Variants in CREBRF observed in about 807,000 individuals in gnomAD.
CREBRF encodes UPF0474 protein C5orf41.
Under a neutral mutation model 66.1 loss-of-function variants are expected in CREBRF, and 5 were observed. The observed-to-expected ratio is 0.08, with a 90% CI of 0.04 to 0.16. CREBRF has a LOEUF of 0.16. Among genes scored for constraint, CREBRF ranks in the 10% least tolerant of loss-of-function variants. The pLI is 1.00. For missense variants in CREBRF, 531 were observed against 744.9 expected (o/e 0.71, Z 3.34); for synonymous variants, 229 against 264.4 (o/e 0.87, Z 1.30).
chr5:173,104,573 A>G (rs796327754), intron 4 of CREBRF, among the ~76,000 whole-genome samples: 8 of 152,184 alleles, frequency 5.3e-5, no homozygotes, highest in African/African-American at 1.9e-4. Flanking sequence ...CTAGCTACTC[A>G]GGAGGCTGAG....
chr5:173,115,429 C>G (rs977698192), intron 7 of CREBRF, among the ~76,000 whole-genome samples: 3 of 151,916 alleles, frequency 2.0e-5, no homozygotes, highest in Admixed American at 6.6e-5. Flanking sequence ...TTAAAAGTAA[C>G]TTTATTTACT....
In CREBRF at chr5:173,091,114, C is replaced by G. The variant is rs1267033547; in HGVS notation, c.935C>G (p.Ala312Gly). 1 of 1,614,214 alleles carries G rather than the reference C, an allele frequency of 6.2e-7. No homozygotes were observed. The highest frequency in any genetic ancestry group is 8.5e-7 in the Non-Finnish European group (1 of 1,180,046). Residue 312 changes from alanine to glycine, a missense_variant, in exon 4 of 9, where the codon GCA (alanine) becomes GGA (glycine). Physicochemically the swap from Ala to Gly is moderately conservative, Grantham distance 60 (BLOSUM62 0). Around this residue, in one of 5 missense-constraint regions of CREBRF, gnomAD observed 309 missense variants for 341.4 expected, o/e 0.90. Coordinates refer to ENST00000296953, the MANE Select transcript of CREBRF (RefSeq NM_153607.3). ...PLPQEGPGSL[A>G]AGESSSLSAS... is the part of the protein sequence containing the mutation. ...CCCCAGGAAGGTCCTGGGTCACTTG[C>G]AGCAGGAGAGAGCAGCAGTCTTTCT...
chr5:173,073,320 G>T (rs1294627365), intron 1 of CREBRF, among the ~76,000 whole-genome samples: 1 of 152,168 alleles, frequency 6.6e-6, no homozygotes, highest in Non-Finnish European at 1.5e-5. Context: ...TGGTTATCCT[G>T]ATACCAAGAC....
chr5:173,104,891 G>A (rs2113763684), intron 4 of CREBRF, among the ~76,000 whole-genome samples: 1 of 152,248 alleles, frequency 6.6e-6, no homozygotes, highest in African/African-American at 2.4e-5. Flanking sequence ...TAATTTGGGT[G>A]GGACAGAAGA....
rs1220011048 is a variant in CREBRF, at chr5:173,110,725, A to C, written c.1607+14A>C. The C allele has an allele frequency of 2.5e-6, 4 of 1,592,720 alleles. No homozygotes were observed. The highest frequency in any genetic ancestry group is 3.4e-6 in the Non-Finnish European group (4 of 1,171,458). On this transcript the variant is annotated intron_variant, in intron 6 of 8. Transcript: ENST00000296953. ...GCTGGCTTCCAGGTAAATGCTAATA[A>C]TGTTCACTCATGTGAAGAAAGTTTA...
intron 2 of CREBRF, among the ~76,000 whole-genome samples, chr5:173,081,936 C>T (rs149713066): frequency 6.6e-6 from 1 of 151,474 alleles, no homozygotes; most frequent in East Asian, 1.9e-4. Context: ...CTGCCTACCG[C>T]CACCCCAACC....
chr5:173,089,203 C>A (rs1485061872), intron 3 of CREBRF, among the ~76,000 whole-genome samples: 92 of 144,240 alleles, frequency 6.4e-4, no homozygotes, highest in African/African-American at 2.3e-3. Flanking sequence ...AAAAAAAAAA[C>A]CCATACACAG....
chr5:173,131,818 T>C lies in CREBRF; in HGVS notation c.1805-1812T>C, dbSNP rs185430363. Among the ~76,000 whole-genome samples the C allele has an allele frequency of 1.3e-3, 193 of 152,230 alleles. 1 individual carries two copies. Among genetic ancestry groups the C allele is most frequent in the African/African-American group, 4.2e-3 (174 of 41,532 alleles). ...TGCAATCTCAGCTCACTGCAACCTC[T>C]GCCTCCTAGGTTCAAGTGGTTCTCC... On this transcript the variant is annotated intron_variant, in intron 8 of 8. Transcript: ENST00000296953.
At chr5:173,101,761 G>A (rs561349647) in intron 4 of CREBRF, among the ~76,000 whole-genome samples, 1 of 152,058 alleles carries the variant, frequency 6.6e-6, no homozygotes, top group Admixed American at 6.5e-5. Flanking sequence ...TGTTGGTCAG[G>A]CTGGTCTTGA....
At position 173,085,769 on chromosome 5, in the gene CREBRF, C is replaced by G. The variant is rs549815130; in HGVS notation, c.10-732C>G. 3.4e-5 allele frequency: 26 copies of G among 774,846 alleles called. No homozygotes were observed. In the African/African-American group the frequency reaches 3.9e-4, roughly 12 times the overall value. 48.0% of individuals were successfully genotyped at this position (774,846 alleles called of 1,614,324 possible). On this transcript the variant is annotated intron_variant, in intron 2 of 8. Coordinates refer to ENST00000296953, the MANE Select transcript of CREBRF (RefSeq NM_153607.3). ...TGTGAGTGTAGAACACTCCACATAC[C>G]TGATGGCCTTCAGGTCATGGGTCAG...
Position 173,080,731 on chromosome 5 carries a change from A to G in CREBRF, c.-45A>G. ...GCTGGAAAGGAATTTACAAACAAGAAAAAAAAGAAGTTTGGAATCGGATTC... is the reference window on the plus strand; with the variant it reads ...GCTGGAAAGGAATTTACAAACAAGAGAAAAAAGAAGTTTGGAATCGGATTC... On this transcript the variant is annotated 5_prime_UTR_variant, in exon 2 of 9. Coordinates refer to ENST00000296953, the MANE Select transcript of CREBRF (RefSeq NM_153607.3). 1 of 1,607,146 alleles carries G rather than the reference A, an allele frequency of 6.2e-7. No individual in the cohort carries two copies.
rs996247614 is a variant in CREBRF at position 173,066,452 on chromosome 5, C to T, written c.-192+9973C>T. Reference sequence around the variant, plus strand: ...AAACTTTCCCAGGTAGTAGTATTCTCGGTAGTTGTCTATTATTTTGTAAAC... The same window carrying T: ...AAACTTTCCCAGGTAGTAGTATTCTTGGTAGTTGTCTATTATTTTGTAAAC... On this transcript the variant is annotated intron_variant, in intron 1 of 8. Transcript: ENST00000296953. Among the ~76,000 whole-genome samples, 11 of 152,122 alleles carry T rather than the reference C, an allele frequency of 7.2e-5. No homozygotes were observed. The South Asian group carries it at 1.7e-3, about 23-fold the overall frequency.
intron 2 of CREBRF, among the ~76,000 whole-genome samples, chr5:173,084,790 C>T (rs1273851797): frequency 3.3e-5 from 5 of 151,686 alleles, no homozygotes; most frequent in East Asian, 2.0e-4. Context: ...TGCAGGTGCC[C>T]GCCACCACAC....
At chr5:173,063,471 G>T (rs775424469) in intron 1 of CREBRF, among the ~76,000 whole-genome samples, 4 of 151,800 alleles carry the variant, frequency 2.6e-5, no homozygotes, top group Non-Finnish European at 4.4e-5. Flanking sequence ...GGGTTCAAGC[G>T]ATTTTCCTGT....
chr5:173,122,568 T>TA (rs1491235470), intron 7 of CREBRF, among the ~76,000 whole-genome samples: 10 of 127,608 alleles, frequency 7.8e-5, no homozygotes, highest in African/African-American at 1.2e-4. Context: ...CTATTATTTC[T>TA]TTTATTATTA....
intron 1 of CREBRF, 24 bp downstream of exon 1, chr5:173,056,503 G>A: frequency 2.5e-6 from 1 of 398,322 alleles, no homozygotes. Context: ...CCCGCTGCTC[G>A]GAACCCCCAG....
At chr5:173,086,650 G>A (rs756404711) in intron 3 of CREBRF, 24 bp downstream of exon 3, 2 of 1,584,766 alleles carry the variant, frequency 1.3e-6, no homozygotes, top group South Asian at 1.2e-5. Context: ...TCTTGGTTTT[G>A]GTCTTGATTG....
At chr5:173,092,090 C>A in intron 4 of CREBRF, 1 of 770,454 alleles carries the variant, frequency 1.3e-6, no homozygotes. Flanking sequence ...TCAATAACAA[C>A]AAAAAATAAT....
chr5:173,101,591 C>T lies in CREBRF; in HGVS notation c.1223-7033C>T, dbSNP rs1276123272. Among the ~76,000 whole-genome samples, 7 of 150,748 alleles carry T rather than the reference C, an allele frequency of 4.6e-5. 1 individual carries two copies. Among genetic ancestry groups the T allele is most frequent in the South Asian group, 2.1e-4 (1 of 4,768 alleles). On this transcript the variant is annotated intron_variant, in intron 4 of 8. Coordinates refer to ENST00000296953, the MANE Select transcript of CREBRF (RefSeq NM_153607.3). ...TTAAGACGAAGTCTTGCCACTCTGT[C>T]GCCCAGGCTGGAGTGCAGTGGCACC...
Sources: gnomAD v4.1 joint callset for allele counts (sites outside exome capture counted in the v4.1 genomes callset) on GRCh38, gnomAD v4.1.1 for gene constraint, gnomAD v4.1.1 regional missense constraint, MANE v1.5 for transcripts, NCBI Gene and HGNC (gene_info 2026-07-23, HGNC 2026-07-21) for gene names.